CAPZA1: variants seen among roughly 807,000 people sequenced by gnomAD.
CAPZA1 encodes the protein capping actin protein of muscle Z-line subunit alpha 1, also known as F-actin-capping protein subunit alpha-1.
Under a neutral mutation model 40.8 loss-of-function variants are expected in CAPZA1, and 10 were observed. That is an observed-to-expected ratio of 0.25 (90% CI 0.15 to 0.42). The LOEUF (loss-of-function observed/expected upper bound fraction) is 0.42, where lower values mean the gene tolerates loss of function less well. CAPZA1 is among the 10% of genes least tolerant of loss of function. CAPZA1 has a pLI of 1.00. For missense variants in CAPZA1, 277 were observed against 353.8 expected, an observed-to-expected ratio of 0.78 and a Z score of 1.74; for synonymous variants, 98 against 115.0, an observed-to-expected ratio of 0.85 and a Z score of 0.95.
intron 1 of CAPZA1, among the ~76,000 whole-genome samples, chr1:112,638,461 C>T (rs1221729687): frequency 6.6e-6 from 1 of 151,974 alleles, no homozygotes; most frequent in Non-Finnish European, 1.5e-5. Context: ...ATTACAGGTG[C>T]CCACCACTAC....
intron 1 of CAPZA1, 23 bp downstream of exon 1, chr1:112,619,906 T>C: frequency 3.8e-6 from 6 of 1,593,250 alleles, no homozygotes; most frequent in Non-Finnish European, 5.1e-6. Flanking sequence ...CCTCTCTCTC[T>C]TACCTCCTCC....
chr1:112,642,316 C>T (rs1671186617), intron 1 of CAPZA1, among the ~76,000 whole-genome samples: 1 of 142,518 alleles, frequency 7.0e-6, no homozygotes, highest in Non-Finnish European at 1.5e-5. Flanking sequence ...TGGGTTCAAG[C>T]AATTCTCCTG....
In CAPZA1 at chr1:112,621,785, G is replaced by A. The variant is rs1463851267; in HGVS notation, c.39+1902G>A. 9.9e-5 allele frequency among the ~76,000 whole-genome samples: 10 copies of A among 101,236 alleles called. No homozygotes were observed. The Admixed American group carries it at 1.3e-3, about 14-fold the overall frequency. 66.4% of individuals were successfully genotyped at this position (101,236 alleles called of 152,430 possible). A position where few individuals can be genotyped will look rare whatever the true frequency, so the allele number is the denominator to read the frequency against. On this transcript the variant is annotated intron_variant, in intron 1 of 9. Coordinates refer to ENST00000263168, the MANE Select transcript of CAPZA1 (RefSeq NM_006135.3). ...GGTTTTTTTTTTTTTTTTTTGAGAT[G>A]GAGTCTCGCTCTGTCACCCGGGGTG...
intron 1 of CAPZA1, among the ~76,000 whole-genome samples, chr1:112,627,618 C>G (rs1468161268): frequency 1.0e-5 from 1 of 98,068 alleles, no homozygotes; most frequent in African/African-American, 4.1e-5. Flanking sequence ...GCCTGGCCGA[C>G]AGTGCGAGAC....
chr1:112,658,788 T>G (rs1444315017), intron 5 of CAPZA1, among the ~76,000 whole-genome samples: 1 of 152,192 alleles, frequency 6.6e-6, no homozygotes, highest in East Asian at 1.9e-4. Context: ...GGCACCCGCC[T>G]TGTACCCCAA....
intron 1 of CAPZA1, among the ~76,000 whole-genome samples, chr1:112,641,226 AAAAT>A (rs974374556): frequency 3.3e-5 from 5 of 151,196 alleles, no homozygotes; most frequent in African/African-American, 7.3e-5. Flanking sequence ...AATAAAAAAA[AAAAT>A]AAATAAATAA....
intron 3 of CAPZA1, 63 bp from the exon 4 acceptor site, chr1:112,653,535 C>G: frequency 3.8e-6 from 4 of 1,062,350 alleles, no homozygotes; most frequent in Non-Finnish European, 5.6e-6. Flanking sequence ...TTTATTTACA[C>G]ATAATTCTTT....
intron 7 of CAPZA1, among the ~76,000 whole-genome samples, chr1:112,664,467 A>G (rs1671684226): frequency 6.6e-6 from 1 of 152,182 alleles, no homozygotes; most frequent in Non-Finnish European, 1.5e-5. Context: ...GGGAGGTATT[A>G]CATATGTTGG....
intron 8 of CAPZA1, among the ~76,000 whole-genome samples, chr1:112,668,338 TAACA>T (rs1671767229): frequency 1.3e-5 from 2 of 152,168 alleles, no homozygotes. Flanking sequence ...AAAATAATGA[TAACA>T]AACCCATTAC....
Position 112,654,757 on chromosome 1 carries a change from T to C in CAPZA1, c.426+86T>C, listed in dbSNP as rs1443158279. The C allele has an allele frequency of 4.8e-6, 4 of 827,382 alleles. No individual in the cohort carries two copies. In the Admixed American group the frequency reaches 7.5e-5, roughly 16 times the overall value. The allele number at this position is 827,382 out of a possible 1,614,324, so 51.3% of individuals were successfully genotyped here. On this transcript the variant is annotated intron_variant, in intron 5 of 9. Coordinates refer to ENST00000263168, the MANE Select transcript of CAPZA1 (RefSeq NM_006135.3). Reference sequence around the variant, plus strand: ...GAGGCTTTGGCCTACCAAACATCCCTACTTTCTTCTTAGCCATGCTCTCTT... The same window carrying C: ...GAGGCTTTGGCCTACCAAACATCCCCACTTTCTTCTTAGCCATGCTCTCTT...
chr1:112,638,517 G>T (rs1671065456), intron 1 of CAPZA1, among the ~76,000 whole-genome samples: 1 of 152,100 alleles, frequency 6.6e-6, no homozygotes, highest in African/African-American at 2.4e-5. Flanking sequence ...GTTACACCAT[G>T]TTGGCCAGGC....
intron 6 of CAPZA1, 72 bp downstream of exon 6, chr1:112,659,173 C>A: frequency 5.2e-6 from 5 of 958,116 alleles, no homozygotes; most frequent in Non-Finnish European, 8.5e-6. Context: ...TTTAATCCAA[C>A]TAGCTTGGAA....
intron 1 of CAPZA1, among the ~76,000 whole-genome samples, chr1:112,635,248 G>C (rs1670992596): frequency 6.6e-6 from 1 of 152,146 alleles, no homozygotes; most frequent in African/African-American, 2.4e-5. Context: ...TAGGGAGAAA[G>C]GCACAACTTT....
At chr1:112,658,926 C>G (rs1329092303) in intron 5 of CAPZA1, 96 bp from the exon 6 acceptor site, 1 of 868,766 alleles carries the variant, frequency 1.2e-6, no homozygotes, top group East Asian at 2.4e-5. Context: ...GATTCTTTGT[C>G]TCCCCCAAGG....
rs1429502667 is a variant in CAPZA1, at chr1:112,671,036, A to T, written c.*904A>T. The stretch of plus-strand genomic sequence containing the variant: ...GCAAATGAATTAAACAGCTATGTAA[A>T]TCATAAAGAAAAACTAAAAATGAAC... On this transcript the variant is annotated 3_prime_UTR_variant, in exon 10 of 10. Coordinates refer to ENST00000263168, the MANE Select transcript of CAPZA1 (RefSeq NM_006135.3). 6.6e-6 allele frequency: 1 copy of T among 152,660 alleles called. No homozygotes were observed. The highest frequency in any genetic ancestry group is 1.5e-5 in the Non-Finnish European group (1 of 68,038). 9.5% of individuals were successfully genotyped at this position (152,660 alleles called of 1,614,324 possible).
Position 112,669,987 on chromosome 1 carries a change from T to C in CAPZA1, c.721-5T>C. ...AAGCAACTCATCTTCAATTATCTAT[T>C]GCAGACAGCAATTAGTGAAAACTAT... On this transcript the variant is annotated splice_polypyrimidine_tract_variant and splice_region_variant and intron_variant, in intron 9 of 9. Coordinates refer to ENST00000263168, the MANE Select transcript of CAPZA1 (RefSeq NM_006135.3). 1 of 1,613,340 alleles carries C rather than the reference T, an allele frequency of 6.2e-7. No homozygotes were observed. The highest frequency in any genetic ancestry group is 8.5e-7 in the Non-Finnish European group (1 of 1,179,634).
chr1:112,668,971 A>C (rs1454046359), intron 8 of CAPZA1, among the ~76,000 whole-genome samples: 1 of 152,224 alleles, frequency 6.6e-6, no homozygotes, highest in African/African-American at 2.4e-5. Context: ...TAGATATTAA[A>C]TCCTACCCTC....
intron 5 of CAPZA1, among the ~76,000 whole-genome samples, chr1:112,656,901 A>ATT (rs1257392180): frequency 8.3e-4 from 116 of 139,106 alleles, no homozygotes; most frequent in African/African-American, 2.3e-3. Flanking sequence ...ACTGACAGAA[A>ATT]TTTTTTTTTT....
chr1:112,622,764 G>A (rs984817270), intron 1 of CAPZA1, among the ~76,000 whole-genome samples: 2 of 152,136 alleles, frequency 1.3e-5, no homozygotes, highest in African/African-American at 4.8e-5. Flanking sequence ...GACAATGGTA[G>A]TGGTGTTAAG....
Sources: gnomAD v4.1 joint callset for allele counts (sites outside exome capture counted in the v4.1 genomes callset) on GRCh38, gnomAD v4.1.1 for gene constraint, MANE v1.5 for transcripts, NCBI Gene and HGNC (gene_info 2026-07-23, HGNC 2026-07-21) for gene names.